SARNP: variants seen among roughly 807,000 people sequenced by gnomAD.
SARNP encodes SAP domain containing ribonucleoprotein.
In SARNP, 5 loss-of-function variants were observed where a neutral mutation model predicts 38.1. That is an observed-to-expected ratio of 0.13 (90% confidence interval 0.07 to 0.28). SARNP has a LOEUF of 0.28. Among genes scored for constraint, SARNP ranks in the 10% least tolerant of loss-of-function variants. The pLI, the probability that SARNP is intolerant of heterozygous loss-of-function variation, is 1.00. For synonymous variants in SARNP, 84 were observed against 80.6 expected (o/e 1.04, Z -0.23); for missense variants, 180 against 243.9 (o/e 0.74, Z 1.75).
In SARNP at chr12:55,803,632, G is replaced by A; in HGVS notation, c.133C>T (p.His45Tyr). Residue 45 changes from histidine (H) to tyrosine (Y), a missense_variant, in exon 2 of 11, where the codon CAT becomes TAT. Physicochemically the swap from His to Tyr is moderately conservative, Grantham distance 83 (BLOSUM62 2). This residue lies in a region of SARNP where 161 missense variants were observed against 194.1 expected (regional missense o/e 0.83). Coordinates refer to ENST00000336133, the MANE Select transcript of SARNP (RefSeq NM_033082.4). The part of the protein sequence containing the change: ...IHRLQAYLEE[H>Y]AEEEANEEDV... ...TCCGCCTCCACAAAGTACTCACCAT[G>A]TTCTTCAAGATATGCCTGGAGTCTG... The A allele has an allele frequency of 6.2e-7, 1 of 1,601,750 alleles. No individual in the cohort carries two copies. Among genetic ancestry groups the A allele is most frequent in the Non-Finnish European group, 8.5e-7 (1 of 1,170,492 alleles).
chr12:55,800,661 A>C (rs1879954015), intron 3 of SARNP, 32 bp from the exon 4 acceptor site: 1 of 1,523,956 alleles, frequency 6.6e-7, no homozygotes, highest in Non-Finnish European at 9.0e-7. Context: ...TGGTTAACAT[A>C]AATCTAAAGA....
intron 6 of SARNP, 62 bp downstream of exon 6, chr12:55,794,745 G>T: frequency 1.0e-6 from 1 of 971,000 alleles, no homozygotes; most frequent in Non-Finnish European, 1.6e-6. Context: ...TAAAAGCTAG[G>T]ATCACACATC....
In SARNP at chr12:55,768,112, CCTCT is replaced by C. The variant is rs995850523; in HGVS notation, c.502-7476_502-7473del. 6.0e-5 allele frequency among the ~76,000 whole-genome samples: 9 copies of C among 150,938 alleles called. No homozygotes were observed. The South Asian group carries it at 6.3e-4, about 11-fold the overall frequency. ...TATTAACCATCTCCCTCCTTCCCTCCCTCTCTCTCTCTCTTATTTATTTATTTAT... is the reference window on the plus strand; with the variant it reads ...TATTAACCATCTCCCTCCTTCCCTCCCTCTCTCTCTTATTTATTTATTTAT... On this transcript the variant is annotated intron_variant, in intron 9 of 10. Transcript: ENST00000336133.
intron 1 of SARNP, among the ~76,000 whole-genome samples, chr12:55,808,012 T>C (rs1188219911): frequency 6.6e-6 from 1 of 152,212 alleles, no homozygotes; most frequent in Non-Finnish European, 1.5e-5. Flanking sequence ...AAGTCGTATG[T>C]AATCCCAGCA....
intron 9 of SARNP, among the ~76,000 whole-genome samples, chr12:55,769,237 A>G (rs951015788): frequency 9.8e-5 from 15 of 152,332 alleles, no homozygotes; most frequent in African/African-American, 3.6e-4. Context: ...ATCAGGTTCA[A>G]TCAACATTTT....
chr12:55,786,519 G>A (rs775052185), intron 9 of SARNP, among the ~76,000 whole-genome samples: 1 of 152,104 alleles, frequency 6.6e-6, no homozygotes, highest in Non-Finnish European at 1.5e-5. Flanking sequence ...GCGCAATCTC[G>A]GCTCACCGCA....
At chr12:55,795,964 A>G in intron 5 of SARNP, 61 bp downstream of exon 5, 1 of 1,163,698 alleles carries the variant, frequency 8.6e-7, no homozygotes, top group Admixed American at 2.0e-5. Flanking sequence ...TGCAGATATA[A>G]TAAAGGGTAA....
intron 7 of SARNP, chr12:55,793,702 G>A (rs2136196798): frequency 6.6e-6 from 1 of 151,764 alleles, no homozygotes; most frequent in East Asian, 1.9e-4. Flanking sequence ...ATCCTTCCAA[G>A]CTTTTTTCCT....
intron 9 of SARNP, among the ~76,000 whole-genome samples, chr12:55,771,819 C>A (rs150109883): frequency 2.0e-3 from 298 of 152,238 alleles, no homozygotes; most frequent in African/African-American, 6.8e-3. Flanking sequence ...ATCTCAGTGC[C>A]ACGTGACTGA....
intron 5 of SARNP, among the ~76,000 whole-genome samples, chr12:55,795,242 G>A (rs1009735520): frequency 6.6e-6 from 1 of 152,060 alleles, no homozygotes; most frequent in African/African-American, 2.4e-5. Context: ...TTACAAGCGT[G>A]AGCCACCTGG....
At chr12:55,770,156 A>G (rs1878962375) in intron 9 of SARNP, among the ~76,000 whole-genome samples, 1 of 151,448 alleles carries the variant, frequency 6.6e-6, no homozygotes, top group East Asian at 1.9e-4. Flanking sequence ...ACATAATGGA[A>G]TTTATTTTAA....
chr12:55,763,587 G>A (rs1878741604), intron 9 of SARNP, among the ~76,000 whole-genome samples: 1 of 152,266 alleles, frequency 6.6e-6, no homozygotes, highest in South Asian at 2.1e-4. Context: ...GATTACAGGC[G>A]TGAGCCACTG....
intron 9 of SARNP, among the ~76,000 whole-genome samples, chr12:55,776,361 G>A (rs183439514): frequency 2.5e-4 from 38 of 152,258 alleles, no homozygotes; most frequent in African/African-American, 8.4e-4. Flanking sequence ...GAGCCTAGGA[G>A]GTGGAGGCTG....
chr12:55,796,735 C>G (rs966488748), intron 4 of SARNP, among the ~76,000 whole-genome samples: 1 of 152,092 alleles, frequency 6.6e-6, no homozygotes, highest in Non-Finnish European at 1.5e-5. Context: ...GAGTAACCCT[C>G]CAATCCTCCT....
intron 1 of SARNP, among the ~76,000 whole-genome samples, chr12:55,809,238 T>C (rs1450529881): frequency 6.6e-6 from 1 of 150,468 alleles, no homozygotes; most frequent in Non-Finnish European, 1.5e-5. Context: ...ACAAGTATAC[T>C]GAATGAATTG....
chr12:55,778,650 AG>A (rs1191054312), intron 9 of SARNP, among the ~76,000 whole-genome samples: 1 of 152,156 alleles, frequency 6.6e-6, no homozygotes, highest in African/African-American at 2.4e-5. Flanking sequence ...AATGTAAAGG[AG>A]TGGTTAAATA....
At chr12:55,781,721 C>CT (rs1156774262) in intron 9 of SARNP, among the ~76,000 whole-genome samples, 2 of 152,038 alleles carry the variant, frequency 1.3e-5, no homozygotes, top group African/African-American at 4.8e-5. Context: ...TTTTTATATT[C>CT]TTTTTTGTTG....
chr12:55,811,572 A>AAAAC (rs147810706), intron 1 of SARNP, among the ~76,000 whole-genome samples: 143 of 150,586 alleles, frequency 9.5e-4, no homozygotes, highest in African/African-American at 2.2e-3. Flanking sequence ...ACTGTCTCAA[A>AAAAC]AAACAAACAA....
chr12:55,761,154 T>C (rs1592553439), intron 9 of SARNP, among the ~76,000 whole-genome samples: 1 of 151,482 alleles, frequency 6.6e-6, no homozygotes, highest in African/African-American at 2.4e-5. Flanking sequence ...CCAGCCTGGG[T>C]GACAGAGTGA....
Sources: gnomAD v4.1 joint callset for allele counts (sites outside exome capture counted in the v4.1 genomes callset) on GRCh38, gnomAD v4.1.1 for gene constraint, gnomAD v4.1.1 regional missense constraint, MANE v1.5 for transcripts, NCBI Gene and HGNC (gene_info 2026-07-23, HGNC 2026-07-21) for gene names.